Variants in NFATC1 observed in about 807,000 individuals in gnomAD.
NFATC1 encodes nuclear factor of activated T cells 1, also known as nuclear factor of activated T-cells, cytoplasmic 1.
Under a neutral mutation model 76.0 loss-of-function variants are expected in NFATC1, and 22 were observed. The observed-to-expected ratio is 0.29, with a 90% confidence interval of 0.21 to 0.41. The LOEUF (loss-of-function observed/expected upper bound fraction) is 0.41, where lower values mean the gene tolerates loss of function less well. NFATC1 is among the 10% of genes least tolerant of loss of function. The pLI is 1.00. For missense variants in NFATC1, 1,357 were observed against 1,337.7 expected, an observed-to-expected ratio of 1.01 and a Z score of -0.23; for synonymous variants, 704 against 613.1, an observed-to-expected ratio of 1.15 and a Z score of -2.19.
intron 9 of NFATC1, among the ~76,000 whole-genome samples, chr18:79,511,967 A>G (rs1486785988): frequency 6.6e-6 from 1 of 152,098 alleles, no homozygotes; most frequent in Non-Finnish European, 1.5e-5. Context: ...AGCCCAGTGG[A>G]TGGGACGCAG....
At chr18:79,430,301 C>T (rs2086546676) in intron 2 of NFATC1, among the ~76,000 whole-genome samples, 1 of 152,166 alleles carries the variant, frequency 6.6e-6, no homozygotes, top group Non-Finnish European at 1.5e-5. Flanking sequence ...TTCCTCCTCT[C>T]TCCTCTCTCT....
chr18:79,468,419 C>CAG (rs57561976), intron 8 of NFATC1: 27,959 of 151,976 alleles, frequency 0.18, 3,096 homozygotes, highest in African/African-American at 0.3. Context: ...TCGGAGGGGA[C>CAG]AGTTAGCGGT....
intron 9 of NFATC1, among the ~76,000 whole-genome samples, chr18:79,521,262 T>G (rs111174462): frequency 0.076 from 3,628 of 47,610 alleles, 213 homozygotes; most frequent in East Asian, 0.32. Context: ...CATGTGTGTG[T>G]GGGGGCATCC....
In NFATC1 at chr18:79,467,444, C is replaced by G. The variant is rs748195320; in HGVS notation, c.1960-6C>G. ...ATTGTGCCTCCTGTGTGCCCTTCTC[C>G]TGTAGAATTCTCTGGTGGTTGAGAT... On this transcript the variant is annotated splice_region_variant and splice_polypyrimidine_tract_variant and intron_variant, in intron 7 of 9. Coordinates refer to ENST00000427363, the MANE Select transcript of NFATC1 (RefSeq NM_001278669.2). 6.3e-7 allele frequency: 1 copy of G among 1,590,714 alleles called. No individual in the cohort carries two copies. The highest frequency in any genetic ancestry group is 1.1e-5 in the South Asian group (1 of 89,242).
chr18:79,512,665 AG>A (rs2090285099), intron 9 of NFATC1, among the ~76,000 whole-genome samples: 1 of 152,148 alleles, frequency 6.6e-6, no homozygotes, highest in Non-Finnish European at 1.5e-5. Context: ...CCGTTTGCTG[AG>A]CCGTGGTCTG....
chr18:79,460,254 G>T (rs1188125949), intron 6 of NFATC1, among the ~76,000 whole-genome samples: 1 of 152,248 alleles, frequency 6.6e-6, no homozygotes, highest in African/African-American at 2.4e-5. Flanking sequence ...TTGAGGGTTT[G>T]TAACAGACAC....
At chr18:79,412,435 GTT>G (rs551116096) in intron 2 of NFATC1, among the ~76,000 whole-genome samples, 36 of 135,516 alleles carry the variant, frequency 2.7e-4, no homozygotes, top group Admixed American at 5.9e-4. Flanking sequence ...TCCTGTTTTT[GTT>G]TTTTTTTTTT....
intron 8 of NFATC1, among the ~76,000 whole-genome samples, chr18:79,481,904 TCCTGGGGTGTCATTCCAGTGTGACGTGG>T: frequency 6.8e-6 from 1 of 146,394 alleles, no homozygotes; most frequent in Non-Finnish European, 1.5e-5. Context: ...CGTGACCTGG[TCCTGGGGTGTCATTCCAGTGTGACGTGG>T]TCCTGGGGTG....
At chr18:79,506,527 G>A (rs1660144) in intron 9 of NFATC1, among the ~76,000 whole-genome samples, 85,207 of 152,072 alleles carry the variant, frequency 0.56, 26,705 homozygotes, top group Non-Finnish European at 0.71. Context: ...GTTTCATAAC[G>A]TGGTTCATTG....
chr18:79,451,716 G>A lies in NFATC1; in HGVS notation c.1803G>A (p.Gln601=). Residue 601 remains glutamine, a synonymous_variant, in exon 6 of 10, where the codon CAG becomes CAA. Transcript: ENST00000427363. The stretch of plus-strand genomic sequence containing the variant: ...AGGAGCTGCCTCTGGTGGAGAAGCA[G>A]AGCACGGACAGCTATCCGGTCGTGG... ...SAQELPLVEK[Q]STDSYPVVGG... 1.9e-6 allele frequency: 3 copies of A among 1,612,906 alleles called. No homozygotes were observed. Among genetic ancestry groups the A allele is most frequent in the Non-Finnish European group, 2.5e-6 (3 of 1,179,636 alleles).
rs890010856 is a variant in NFATC1 at position 79,451,890 on chromosome 18, C to T, written c.1903+74C>T. On this transcript the variant is annotated intron_variant, in intron 6 of 9. Transcript: ENST00000427363. The stretch of plus-strand genomic sequence containing the variant: ...GGGAACCGGTTCCCAGTCGGTGGAG[C>T]AGGACCCACCTGTGCACGGTCACCG... The T allele has an allele frequency of 3.9e-6, 6 of 1,527,338 alleles. No homozygotes were observed. In the African/African-American group the frequency reaches 5.5e-5, roughly 14 times the overall value. 94.6% of individuals were successfully genotyped at this position (1,527,338 alleles called of 1,614,324 possible).
chr18:79,517,910 C>T (rs1002760081), intron 9 of NFATC1, among the ~76,000 whole-genome samples: 21 of 152,358 alleles, frequency 1.4e-4, no homozygotes, highest in African/African-American at 5.0e-4. Flanking sequence ...TTATAGTCTT[C>T]ATCTGTGCTA....
intron 1 of NFATC1, among the ~76,000 whole-genome samples, chr18:79,401,494 G>A (rs1332482375): frequency 6.6e-6 from 1 of 152,182 alleles, no homozygotes; most frequent in East Asian, 1.9e-4. Context: ...GGGTCAGTGG[G>A]AGCCAAGGCA....
chr18:79,462,303 A>T (rs1307489913), intron 7 of NFATC1, among the ~76,000 whole-genome samples: 1 of 152,132 alleles, frequency 6.6e-6, no homozygotes, highest in East Asian at 1.9e-4. Flanking sequence ...TAATTGGCAC[A>T]TGGAGACCAT....
chr18:79,441,721 C>T (rs2086983579), intron 3 of NFATC1, among the ~76,000 whole-genome samples: 1 of 152,096 alleles, frequency 6.6e-6, no homozygotes, highest in Non-Finnish European at 1.5e-5. Context: ...TAGAAGGTTG[C>T]CGTTTCTCCC....
intron 8 of NFATC1, among the ~76,000 whole-genome samples, chr18:79,485,990 G>A (rs1426284377): frequency 6.6e-6 from 1 of 152,202 alleles, no homozygotes; most frequent in Non-Finnish European, 1.5e-5. Flanking sequence ...ACTGCAGTTT[G>A]CAAGTGGACT....
chr18:79,428,725 C>A (rs948986529), intron 2 of NFATC1, among the ~76,000 whole-genome samples: 1 of 152,196 alleles, frequency 6.6e-6, no homozygotes, highest in African/African-American at 2.4e-5. Context: ...GCCTGTAACC[C>A]CAGCACTTTG....
At position 79,464,372 on chromosome 18, in the gene NFATC1, G is replaced by A. The variant is rs542408699; in HGVS notation, c.1959+3006G>A. 2.5e-4 allele frequency among the ~76,000 whole-genome samples: 38 copies of A among 152,224 alleles called. No homozygotes were observed. The South Asian group carries it at 6.0e-3, about 24-fold the overall frequency. ...GGCCTCCCAAAGTGCTGGGATTACA[G>A]GCGTGAGCCACCGCGCCCGGCCTGC... On this transcript the variant is annotated intron_variant, in intron 7 of 9. Coordinates refer to ENST00000427363, the MANE Select transcript of NFATC1 (RefSeq NM_001278669.2).
chr18:79,428,154 C>T (rs1166718212), intron 2 of NFATC1, among the ~76,000 whole-genome samples: 2 of 152,110 alleles, frequency 1.3e-5, no homozygotes, highest in African/African-American at 4.8e-5. Flanking sequence ...GGGGGCCGGC[C>T]TCGGGCCGGT....
Sources: allele counts gnomAD v4.1 joint callset (sites outside exome capture counted in the v4.1 genomes callset), GRCh38; gene constraint gnomAD v4.1.1; transcripts MANE v1.5; gene names NCBI Gene and HGNC (gene_info 2026-07-23, HGNC 2026-07-21).